Variants in CCSAP observed in about 807,000 individuals in gnomAD.
CCSAP encodes the protein centriole, cilia and spindle associated protein.
In CCSAP, 17 loss-of-function variants were observed where a neutral mutation model predicts 25.9. The observed-to-expected ratio is 0.66, with a 90% CI of 0.45 to 0.99. The LOEUF (loss-of-function observed/expected upper bound fraction) is 0.99. Among genes scored for constraint, CCSAP ranks in the 50% least tolerant of loss-of-function variants. The pLI, the probability that CCSAP is intolerant of heterozygous loss-of-function variation, is 0.00. For missense variants in CCSAP, 339 were observed against 367.8 expected, an observed-to-expected ratio of 0.92 and a Z score of 0.64; for synonymous variants, 169 against 157.1, an observed-to-expected ratio of 1.08 and a Z score of -0.57.
chr1:229,327,697 G>A (rs1333922554), intron 2 of CCSAP: 7 of 401,810 alleles, frequency 1.7e-5, no homozygotes, highest in Admixed American at 3.0e-5. Context: ...GTGAAACCCC[G>A]TCTCTACTAA....
intron 2 of CCSAP, among the ~76,000 whole-genome samples, chr1:229,341,205 A>AAAAAAAAAAAAAAAAAAAG (rs1196022445): frequency 6.6e-6 from 1 of 152,028 alleles, no homozygotes; most frequent in African/African-American, 2.4e-5. Flanking sequence ...AAAAAAAAAA[A>AAAAAAAAAAAAAAAAAAAG]AAAAAAAGAT....
At chr1:229,335,327 G>GA (rs926740588) in intron 2 of CCSAP, among the ~76,000 whole-genome samples, 98 of 147,480 alleles carry the variant, frequency 6.6e-4, no homozygotes, top group East Asian at 1.4e-3. Context: ...TCAAAAGAAA[G>GA]AAAAAAAAAA....
chr1:229,325,688 C>G (rs76573245), intron 3 of CCSAP, among the ~76,000 whole-genome samples: 2,875 of 152,330 alleles, frequency 0.019, 96 homozygotes, highest in African/African-American at 0.065. Context: ...GCATGTGCCT[C>G]TAGAGTTGGC....
At position 229,342,088 on chromosome 1, in the gene CCSAP, G is replaced by A. The variant is rs571590141; in HGVS notation, c.367+11C>T. 101 of 1,333,636 alleles carry A rather than the reference G, an allele frequency of 7.6e-5. 4 individuals are homozygous for A. In the East Asian group the frequency reaches 1.9e-3, roughly 26 times the overall value. The allele number at this position is 1,333,636 out of a possible 1,614,324, so 82.6% of individuals were successfully genotyped here. On this transcript the variant is annotated intron_variant, in intron 2 of 3. Coordinates refer to ENST00000284617, the MANE Select transcript of CCSAP (RefSeq NM_145257.5). This position sits in a 1 kb window ranked among gnomAD's most constrained non-coding sequence, Gnocchi z 7.5. ...GTGCAGGCCCCTCGCGCTCCCCTCCGGGCCGGGTACCTGGCAGAGCCGCGT... is the reference window on the plus strand; with the variant it reads ...GTGCAGGCCCCTCGCGCTCCCCTCCAGGCCGGGTACCTGGCAGAGCCGCGT...
intron 2 of CCSAP, among the ~76,000 whole-genome samples, chr1:229,330,833 T>TC (rs566026052): frequency 0.28 from 33,136 of 118,164 alleles, 4,202 homozygotes; most frequent in African/African-American, 0.31. Context: ...CAACTCCATC[T>TC]AAAAAAAAAA....
At chr1:229,333,368 G>A (rs566512023) in intron 2 of CCSAP, among the ~76,000 whole-genome samples, 1 of 146,452 alleles carries the variant, frequency 6.8e-6, no homozygotes, top group South Asian at 2.2e-4. Context: ...GGGAGGCGGA[G>A]CTTGCAGTGA....
chr1:229,325,338 C>T lies in CCSAP; in HGVS notation c.710G>A (p.Arg237Gln), dbSNP rs757707620. 1 of 1,614,194 alleles carries T rather than the reference C, an allele frequency of 6.2e-7. No homozygotes were observed. The highest frequency in any genetic ancestry group is 1.1e-5 in the South Asian group (1 of 91,082). The change falls in exon 4 of 4, where the codon CGA becomes CAA. Residue 237 changes from arginine (R) to glutamine (Q), a missense_variant. Coordinates refer to ENST00000284617, the MANE Select transcript of CCSAP (RefSeq NM_145257.5). ...CTTCTCCACATCCACAGAGTGAGCT[C>T]GCTGCCTTTGAGCAACCAGTTTCCT... is the stretch of plus-strand genomic sequence containing the variant. Reference protein sequence around the residue: ...EKRKLVAQRQRAHSVDVEKNR... With the variant: ...EKRKLVAQRQQAHSVDVEKNR...
Position 229,325,102 on chromosome 1 carries a change from A to G in CCSAP, c.*133T>C. 1.2e-6 allele frequency: 1 copy of G among 861,988 alleles called. No homozygotes were observed. The highest frequency in any genetic ancestry group is 2.0e-5 in the South Asian group (1 of 50,950). 53.4% of individuals were successfully genotyped at this position (861,988 alleles called of 1,614,324 possible). A position where few individuals can be genotyped will look rare whatever the true frequency, so the allele number is the denominator to read the frequency against. ...CATCAAAATAAAACAATCTTTTACA[A>G]ATTCCCTAAAAAAAACCTTGCATAA... On this transcript the variant is annotated 3_prime_UTR_variant, in exon 4 of 4. Transcript: ENST00000284617.
rs145917161 is a variant in CCSAP at position 229,334,259 on chromosome 1, T to C, written c.368-7253A>G. On this transcript the variant is annotated intron_variant, in intron 2 of 3. Coordinates refer to ENST00000284617, the MANE Select transcript of CCSAP (RefSeq NM_145257.5). ...CTAATTTTTGTATTTTTAGTAGAGA[T>C]GGGGTTTTGCCATGTTGACCAGGCT... 3.9e-3 allele frequency among the ~76,000 whole-genome samples: 590 copies of C among 152,322 alleles called. 16 individuals carry two copies. Among genetic ancestry groups the C allele is most frequent in the Admixed American group, 0.024 (362 of 15,290 alleles).
intron 3 of CCSAP, 126 bp from the exon 4 acceptor site, chr1:229,325,537 C>T (rs1657920387): frequency 1.4e-6 from 1 of 716,966 alleles, no homozygotes; most frequent in Non-Finnish European, 2.2e-6. Flanking sequence ...CCCTGCCTCT[C>T]TATATAGTTC....
chr1:229,327,731 T>C (rs1231660040), intron 2 of CCSAP, among the ~76,000 whole-genome samples: 1 of 151,552 alleles, frequency 6.6e-6, no homozygotes, highest in African/African-American at 2.4e-5. Context: ...AAATTAGGCA[T>C]GGTGGTGCAT....
rs756599545 is a variant in CCSAP, at chr1:229,325,197, T to C, written c.*38A>G. On this transcript the variant is annotated 3_prime_UTR_variant, in exon 4 of 4. Transcript: ENST00000284617. ...TGTTTTGTTTTTCCTTTCAGTCATT[T>C]ACACTTTTTAAAAGAGGCTGTCCAC... 1.9e-6 allele frequency: 3 copies of C among 1,539,382 alleles called. No homozygotes were observed. Among genetic ancestry groups the C allele is most frequent in the African/African-American group, 2.8e-5 (2 of 72,038 alleles).
At chr1:229,329,604 A>G (rs237808) in intron 2 of CCSAP, among the ~76,000 whole-genome samples, 37,538 of 152,136 alleles carry the variant, frequency 0.25, 5,336 homozygotes, top group African/African-American at 0.4. Context: ...CACACGTGGA[A>G]GATGGGTGAG....
At chr1:229,339,002 G>T (rs901576321) in intron 2 of CCSAP, among the ~76,000 whole-genome samples, 12 of 143,752 alleles carry the variant, frequency 8.3e-5, no homozygotes, top group African/African-American at 3.1e-4. Context: ...AACAATAAAA[G>T]ATGAAAATCT....
In CCSAP at chr1:229,324,456, AAGTG is replaced by A. The variant is rs1014590414; in HGVS notation, c.*775_*778del. On this transcript the variant is annotated 3_prime_UTR_variant, in exon 4 of 4. Coordinates refer to ENST00000284617, the MANE Select transcript of CCSAP (RefSeq NM_145257.5). ...AAAAAAAAAAAAAAGGCAATAAAAA[AAGTG>A]AGTCTTTGACTACTCAAAAGAAACT... 7.2e-5 allele frequency: 11 copies of A among 152,524 alleles called. No homozygotes were observed. The highest frequency in any genetic ancestry group is 2.2e-4 in the African/African-American group (9 of 41,416). 9.4% of individuals were successfully genotyped at this position (152,524 alleles called of 1,614,324 possible).
intron 2 of CCSAP, among the ~76,000 whole-genome samples, chr1:229,337,702 C>CACATATATATAT (rs1553305161): frequency 1.4e-4 from 7 of 48,584 alleles, no homozygotes; most frequent in Non-Finnish European, 2.1e-4. Context: ...TATATATACA[C>CACATATATATAT]ATACATATAT....
chr1:229,339,673 A>G (rs1658283951), intron 2 of CCSAP, among the ~76,000 whole-genome samples: 1 of 152,226 alleles, frequency 6.6e-6, no homozygotes, highest in Admixed American at 6.5e-5. Context: ...GCCAGCCCAG[A>G]CAGAAGTAGG....
At chr1:229,326,653 A>C in intron 3 of CCSAP, 85 bp downstream of exon 3, 1 of 1,536,202 alleles carries the variant, frequency 6.5e-7, no homozygotes. Context: ...CCCAGTGGCC[A>C]AAGGACACGA....
chr1:229,326,714 G>C (rs1558248848), intron 3 of CCSAP, 24 bp downstream of exon 3: 1 of 1,611,626 alleles, frequency 6.2e-7, no homozygotes, highest in Non-Finnish European at 8.5e-7. Context: ...AGGGAACACA[G>C]AACCACAAGG....
Sources: gnomAD v4.1 joint callset for allele counts (sites outside exome capture counted in the v4.1 genomes callset) on GRCh38, gnomAD v4.1.1 for gene constraint, Gnocchi (gnomAD v3.1) non-coding constraint, MANE v1.5 for transcripts, NCBI Gene and HGNC (gene_info 2026-07-23, HGNC 2026-07-21) for gene names.